PEX7: variants seen among roughly 807,000 people sequenced by gnomAD.
The protein encoded by PEX7 is PTS2 receptor.
A neutral mutation model predicts 47.5 loss-of-function variants in PEX7; 34 were observed. The observed-to-expected ratio is 0.72, with a 90% confidence interval of 0.54 to 0.95. The LOEUF (loss-of-function observed/expected upper bound fraction) is 0.95. Ranked by LOEUF, PEX7 falls within the 40% of genes least tolerant of loss-of-function variation. PEX7 has a pLI of 0.00. For synonymous variants in PEX7, 141 were observed against 148.8 expected, an observed-to-expected ratio of 0.95 and a Z score of 0.38; for missense variants, 394 against 400.3, an observed-to-expected ratio of 0.98 and a Z score of 0.13.
intron 9 of PEX7, among the ~76,000 whole-genome samples, chr6:136,898,919 G>A (rs1046962725): frequency 2.0e-5 from 3 of 151,794 alleles, no homozygotes; most frequent in Non-Finnish European, 2.9e-5. Context: ...GAAAGAACCA[G>A]CATATCAATG....
intron 1 of PEX7, chr6:136,823,152 C>A: frequency 1.0e-6 from 1 of 985,364 alleles, no homozygotes; most frequent in Non-Finnish European, 1.2e-6. Context: ...TCGGTCCGCT[C>A]GGCACAGCAG....
intron 3 of PEX7, among the ~76,000 whole-genome samples, chr6:136,842,945 C>G (rs1181379330): frequency 6.6e-6 from 1 of 152,134 alleles, no homozygotes; most frequent in East Asian, 1.9e-4. Flanking sequence ...GCTTTAAGAT[C>G]TGTGTATAGG....
At chr6:136,849,338 G>A (rs1285088609) in intron 5 of PEX7, among the ~76,000 whole-genome samples, 4 of 152,006 alleles carry the variant, frequency 2.6e-5, no homozygotes, top group East Asian at 3.9e-4. Flanking sequence ...AGGGTTTTTT[G>A]TGTCTCTATC....
At chr6:136,823,231 A>C (rs1774117990) in intron 1 of PEX7, 1 of 985,290 alleles carries the variant, frequency 1.0e-6, no homozygotes, top group African/African-American at 1.7e-5. Flanking sequence ...CCCAGTCTGC[A>C]TTCGAGCACT....
chr6:136,903,236 C>T (rs1170326293), intron 9 of PEX7, among the ~76,000 whole-genome samples: 2 of 152,168 alleles, frequency 1.3e-5, no homozygotes, highest in Admixed American at 6.5e-5. Flanking sequence ...AAGCCTCTTC[C>T]CAAATCTGAA....
intron 1 of PEX7, among the ~76,000 whole-genome samples, chr6:136,824,538 T>C (rs564887340): frequency 6.6e-6 from 1 of 152,212 alleles, no homozygotes; most frequent in South Asian, 2.1e-4. Context: ...AAAAACTCTT[T>C]AAAGGGAATT....
At chr6:136,907,507 G>A (rs1393851151) in intron 9 of PEX7, among the ~76,000 whole-genome samples, 1 of 151,378 alleles carries the variant, frequency 6.6e-6, no homozygotes, top group Non-Finnish European at 1.5e-5. Context: ...CATTCTGTCT[G>A]TATCTTTCTG....
intron 8 of PEX7, among the ~76,000 whole-genome samples, chr6:136,888,091 A>G (rs563283813): frequency 5.3e-4 from 80 of 152,220 alleles, no homozygotes; most frequent in African/African-American, 1.9e-3. Context: ...CCTTAAAAAA[A>G]GGTCAGCCAA....
intron 2 of PEX7, among the ~76,000 whole-genome samples, 165 bp from the exon 3 acceptor site, chr6:136,826,154 G>C (rs1224199370): frequency 6.6e-6 from 1 of 151,846 alleles, no homozygotes; most frequent in Admixed American, 6.6e-5. Context: ...TATTTGTCAA[G>C]TACCTACTCT....
intron 9 of PEX7, among the ~76,000 whole-genome samples, chr6:136,902,430 A>G (rs1243596863): frequency 6.6e-6 from 1 of 152,190 alleles, no homozygotes; most frequent in East Asian, 1.9e-4. Flanking sequence ...ATATTACACC[A>G]CCTTTCTTCT....
chr6:136,865,825 C>T (rs1389115211), intron 5 of PEX7, among the ~76,000 whole-genome samples: 1 of 151,986 alleles, frequency 6.6e-6, no homozygotes, highest in Admixed American at 6.6e-5. Flanking sequence ...CGGCTCATGC[C>T]TGTAATCCCA....
intron 9 of PEX7, among the ~76,000 whole-genome samples, chr6:136,898,521 A>G (rs1775692514): frequency 6.6e-6 from 1 of 152,176 alleles, no homozygotes; most frequent in African/African-American, 2.4e-5. Flanking sequence ...AAAAGTGACA[A>G]GAGAAAGATG....
In PEX7 at chr6:136,822,721, G is replaced by C; in HGVS notation, c.56G>C (p.Gly19Ala). The change falls in exon 1 of 10, where the codon GGC (glycine) becomes GCC (alanine). Residue 19 changes from glycine to alanine, a missense_variant. By Grantham distance (60) the Gly-to-Ala change is moderately conservative. Transcript: ENST00000318471. ...ARMLRTPGRH[G>A]YAAEFSPYLP... ...ATGCTGCGGACGCCGGGACGCCACGGCTACGCCGCCGAGTTCTCCCCGTAC... is the reference window on the plus strand; with the variant it reads ...ATGCTGCGGACGCCGGGACGCCACGCCTACGCCGCCGAGTTCTCCCCGTAC... 3.3e-6 allele frequency: 5 copies of C among 1,514,556 alleles called. No individual in the cohort carries two copies. The highest frequency in any genetic ancestry group is 4.4e-6 in the Non-Finnish European group (5 of 1,138,208). 93.8% of individuals were successfully genotyped at this position (1,514,556 alleles called of 1,614,324 possible).
chr6:136,854,578 A>G (rs1346846434), intron 5 of PEX7, among the ~76,000 whole-genome samples: 1 of 152,140 alleles, frequency 6.6e-6, no homozygotes, highest in East Asian at 1.9e-4. Context: ...ACTGGTTTAT[A>G]CTGTTACCAT....
intron 9 of PEX7, among the ~76,000 whole-genome samples, chr6:136,911,300 G>A (rs1582785150): frequency 1.3e-5 from 2 of 152,254 alleles, no homozygotes; most frequent in African/African-American, 2.4e-5. Flanking sequence ...AGCTTCACCC[G>A]TGGTACTGAG....
intron 9 of PEX7, among the ~76,000 whole-genome samples, chr6:136,913,030 C>T (rs1775957133): frequency 6.6e-6 from 1 of 152,206 alleles, no homozygotes; most frequent in Admixed American, 6.5e-5. Context: ...CACACTCAGT[C>T]TTGAATGAGC....
intron 8 of PEX7, among the ~76,000 whole-genome samples, chr6:136,891,055 C>T (rs184853044): frequency 5.3e-5 from 8 of 152,208 alleles, no homozygotes; most frequent in South Asian, 4.2e-4. Context: ...ATACACAAAC[C>T]GCATAGGAGT....
chr6:136,884,628 TGAAA>T (rs34205758), intron 8 of PEX7, among the ~76,000 whole-genome samples: 96,292 of 151,308 alleles, frequency 0.64, 30,719 homozygotes, highest in African/African-American at 0.69. Flanking sequence ...TATTTCTATT[TGAAA>T]TTCATGTTGC....
intron 6 of PEX7, among the ~76,000 whole-genome samples, chr6:136,868,635 T>C (rs1177828646): frequency 6.6e-6 from 1 of 151,756 alleles, no homozygotes. Flanking sequence ...AAACTTTTCT[T>C]CAAATTAGCT....
Sources: allele counts gnomAD v4.1 joint callset (sites outside exome capture counted in the v4.1 genomes callset), GRCh38; gene constraint gnomAD v4.1.1; transcripts MANE v1.5; gene names NCBI Gene and HGNC (gene_info 2026-07-23, HGNC 2026-07-21).